Variants in PKNOX1 observed in about 807,000 individuals in gnomAD.
The protein encoded by PKNOX1 is homeobox protein PKNOX1.
In PKNOX1, 15 loss-of-function variants were observed where a neutral mutation model predicts 51.9. The ratio of observed to expected loss-of-function variants is 0.29; its 90% CI spans 0.19 to 0.45. The LOEUF is 0.45. PKNOX1 is among the 20% of genes least tolerant of loss of function. The pLI, the probability that PKNOX1 is intolerant of heterozygous loss-of-function variation, is 1.00. For missense variants in PKNOX1, 462 were observed against 547.5 expected (o/e 0.84, Z 1.56); for synonymous variants, 219 against 211.1 (o/e 1.04, Z -0.32).
intron 7 of PKNOX1, chr21:43,020,323 C>G (rs369736066): frequency 1.4e-4 from 22 of 152,478 alleles, no homozygotes; most frequent in African/African-American, 4.8e-4. Context: ...CCTTCCTTCC[C>G]TGGTCTGCGC....
At chr21:42,988,384 G>T (rs1302543159) in intron 1 of PKNOX1, among the ~76,000 whole-genome samples, 2 of 152,112 alleles carry the variant, frequency 1.3e-5, no homozygotes, top group African/African-American at 4.8e-5. Context: ...ATCAAAGTTG[G>T]TCTGGATCTA....
At chr21:43,016,871 C>A in intron 5 of PKNOX1, 37 bp from the exon 6 acceptor site, 1 of 1,370,088 alleles carries the variant, frequency 7.3e-7, no homozygotes, top group African/African-American at 1.4e-5. Context: ...TTTCCGTTTT[C>A]TAGTAATTCC....
rs367875552 is a variant in PKNOX1, at chr21:42,983,958, G to C, written c.-57+9294G>C. 5.3e-5 allele frequency among the ~76,000 whole-genome samples: 8 copies of C among 152,078 alleles called. No individual in the cohort carries two copies. In the South Asian group the frequency reaches 6.3e-4, roughly 12 times the overall value. On this transcript the variant is annotated intron_variant, in intron 1 of 10. Transcript: ENST00000291547. ...TTGATTTGTATTTCCCTAATAATTA[G>C]TGATGTGGAGCATCTTTTCACATGT...
chr21:43,016,996 C>T lies in PKNOX1; in HGVS notation c.611C>T (p.Ala204Val), dbSNP rs201260136. ...SALQQGNVAM[A>V]TVAGGTVYQP... ...CTGCAGCAGGGAAACGTAGCCATGGCGACGGTGGCAGGTACGATGACAGAA... is the reference window on the plus strand; with the variant it reads ...CTGCAGCAGGGAAACGTAGCCATGGTGACGGTGGCAGGTACGATGACAGAA... The change falls in exon 6 of 11, where the codon GCG (alanine) becomes GTG (valine). Residue 204 changes from alanine to valine, a missense_variant. Coordinates refer to ENST00000291547, the MANE Select transcript of PKNOX1 (RefSeq NM_004571.5). 8.7e-6 allele frequency: 14 copies of T among 1,610,574 alleles called. No homozygotes were observed. The highest frequency in any genetic ancestry group is 2.2e-5 in the East Asian group (1 of 44,876).
chr21:42,983,149 C>A (rs2059035436), intron 1 of PKNOX1, among the ~76,000 whole-genome samples: 1 of 152,062 alleles, frequency 6.6e-6, no homozygotes, highest in Admixed American at 6.6e-5. Context: ...ATACACGTAA[C>A]AAAATTTACC....
At chr21:42,989,340 C>G (rs1403848735) in intron 1 of PKNOX1, among the ~76,000 whole-genome samples, 3 of 152,010 alleles carry the variant, frequency 2.0e-5, no homozygotes, top group African/African-American at 7.2e-5. Context: ...ATAGTTTTCT[C>G]ATGGATCTTT....
intron 1 of PKNOX1, among the ~76,000 whole-genome samples, chr21:42,988,031 C>T (rs1490298713): frequency 1.3e-5 from 2 of 150,786 alleles, no homozygotes; most frequent in African/African-American, 4.9e-5. Flanking sequence ...CTGGTCACAC[C>T]TCCCACACCT....
In PKNOX1 at chr21:43,023,124, A is replaced by G. The variant is rs1263283951; in HGVS notation, c.849+1693A>G. ...GCGCCGACCCCCTGTAGTTTCCCGC[A>G]TACTCTGGGGCAGCATCTCTGGCTG... On this transcript the variant is annotated intron_variant, in intron 8 of 10. Coordinates refer to ENST00000291547, the MANE Select transcript of PKNOX1 (RefSeq NM_004571.5). Among the ~76,000 whole-genome samples, 4 of 151,750 alleles carry G rather than the reference A, an allele frequency of 2.6e-5. No homozygotes were observed. In the South Asian group the frequency reaches 6.3e-4, roughly 24 times the overall value.
At chr21:43,028,611 A>T in intron 9 of PKNOX1, 91 bp from the exon 10 acceptor site, 1 of 1,191,824 alleles carries the variant, frequency 8.4e-7, no homozygotes, top group Non-Finnish European at 1.2e-6. Context: ...CGTGCTTCGT[A>T]GAGCAGCGTG....
Position 43,033,280 on chromosome 21 carries a change from C to T in PKNOX1, c.*3179C>T, listed in dbSNP as rs1349243471. ...CGGCTAAGGGCTCTGGGAGTTGTGT[C>T]TGTGTGACCTGAGAGTGATCCATCT... On this transcript the variant is annotated 3_prime_UTR_variant, in exon 11 of 11. Coordinates refer to ENST00000291547, the MANE Select transcript of PKNOX1 (RefSeq NM_004571.5). The T allele has an allele frequency of 6.6e-6, 1 of 152,396 alleles. No individual in the cohort carries two copies. The highest frequency in any genetic ancestry group is 1.5e-5 in the Non-Finnish European group (1 of 68,038). 9.4% of individuals were successfully genotyped at this position (152,396 alleles called of 1,614,324 possible).
At chr21:43,001,227 C>T (rs142615235) in intron 1 of PKNOX1, among the ~76,000 whole-genome samples, 28 of 152,316 alleles carry the variant, frequency 1.8e-4, no homozygotes, top group African/African-American at 4.3e-4. Context: ...CATGGGTGGC[C>T]GTTATCCGTT....
At chr21:42,983,857 C>A (rs2059038456) in intron 1 of PKNOX1, among the ~76,000 whole-genome samples, 1 of 152,102 alleles carries the variant, frequency 6.6e-6, no homozygotes, top group Non-Finnish European at 1.5e-5. Context: ...TTACCCAACA[C>A]TTATTTTCTT....
intron 7 of PKNOX1, chr21:43,020,378 G>A (rs142580234): frequency 1.3e-5 from 2 of 152,452 alleles, no homozygotes; most frequent in African/African-American, 4.8e-5. Flanking sequence ...TGGGGAGGGA[G>A]ACGCTGTGTG....
At chr21:43,005,431 G>GT (rs11390731) in intron 2 of PKNOX1, among the ~76,000 whole-genome samples, 121,381 of 150,310 alleles carry the variant, frequency 0.81, 49,171 homozygotes, top group African/African-American at 0.86. Flanking sequence ...TGGTGTTAGT[G>GT]TTTTTTTTTC....
At position 43,030,015 on chromosome 21, in the gene PKNOX1, G is replaced by A. The variant is rs753520669; in HGVS notation, c.1225G>A (p.Val409Met). ...MMAGQSEDESVDSTEEDAGAL... is the reference protein window; with the variant it reads ...MMAGQSEDESMDSTEEDAGAL... ...GGCAGGGCAGAGCGAGGACGAGTCT[G>A]TGGACAGCACAGAGGAGGATGCGGG... Residue 409 changes from valine (V) to methionine (M), a missense_variant, in exon 11 of 11, where the codon GTG becomes ATG. Around this residue, in one of 5 missense-constraint regions of PKNOX1, gnomAD observed 118 missense variants for 116.8 expected, o/e 1.01. Transcript: ENST00000291547. 6.2e-7 allele frequency: 1 copy of A among 1,614,066 alleles called. No homozygotes were observed. The highest frequency in any genetic ancestry group is 1.1e-5 in the South Asian group (1 of 91,084).
chr21:43,019,851 G>T (rs1979677480), intron 7 of PKNOX1, among the ~76,000 whole-genome samples: 1 of 151,350 alleles, frequency 6.6e-6, no homozygotes, highest in East Asian at 2.0e-4. Flanking sequence ...TCTCAAGAAG[G>T]TTGGTGTTCT....
At chr21:42,974,834 G>T (rs2058983560) in intron 1 of PKNOX1, among the ~76,000 whole-genome samples, 170 bp downstream of exon 1, 1 of 148,818 alleles carries the variant, frequency 6.7e-6, no homozygotes, top group Non-Finnish European at 1.5e-5. Flanking sequence ...CGGGGCAGGG[G>T]GCGGGGAGGG....
intron 1 of PKNOX1, among the ~76,000 whole-genome samples, chr21:42,994,463 C>T (rs1293808851): frequency 6.7e-6 from 1 of 148,364 alleles, no homozygotes; most frequent in Non-Finnish European, 1.5e-5. Context: ...AGGCACGTGC[C>T]ACTGTACCTG....
chr21:42,974,766 G>A, intron 1 of PKNOX1, 102 bp downstream of exon 1: 1 of 160,848 alleles, frequency 6.2e-6, no homozygotes, highest in Non-Finnish European at 1.3e-5. Context: ...CGCCGCCGCT[G>A]CCGCCCGGGT....
Sources: allele counts gnomAD v4.1 joint callset (sites outside exome capture counted in the v4.1 genomes callset), GRCh38; gene constraint gnomAD v4.1.1; regional missense constraint gnomAD v4.1.1; transcripts MANE v1.5; gene names NCBI Gene and HGNC (gene_info 2026-07-23, HGNC 2026-07-21).